DMD: variants seen among roughly 807,000 people sequenced by gnomAD.
The protein encoded by DMD is dystrophin, also known as mutant dystrophin.
DMD carries 63 observed loss-of-function variants against 330.1 expected under a neutral mutation model. That is an observed-to-expected ratio of 0.19 (90% CI 0.16 to 0.24). DMD has a LOEUF of 0.24. Among genes scored for constraint, DMD ranks in the 10% least tolerant of loss-of-function variants. The pLI, the probability that DMD is intolerant of heterozygous loss-of-function variation, is 1.00. For missense variants in DMD, 3,344 were observed against 2,684.1 expected (o/e 1.25, Z -5.43); for synonymous variants, 1,223 against 959.8 (o/e 1.27, Z -5.07).
intron 9 of DMD, among the ~76,000 whole-genome samples, chrX:32,651,538 C>A (rs150464330): frequency 1.6e-3 from 181 of 111,992 alleles, no homozygotes; most frequent in African/African-American, 5.8e-3. Context: ...AATACCTCGT[C>A]TTCATTACGT....
intron 1 of DMD, among the ~76,000 whole-genome samples, chrX:33,301,526 T>C (rs1441905305): frequency 8.9e-6 from 1 of 112,011 alleles, no homozygotes; most frequent in Admixed American, 9.5e-5. Flanking sequence ...AAGAAAATAT[T>C]TGTGTCTTAG....
At chrX:32,358,135 C>T (rs1431165066) in intron 37 of DMD, among the ~76,000 whole-genome samples, 1 of 111,095 alleles carries the variant, frequency 9.0e-6, no homozygotes, top group Non-Finnish European at 1.9e-5. Flanking sequence ...TCCCTTTTCT[C>T]AAGTCTTCAC....
At chrX:32,621,615 G>A (rs2057999732) in intron 11 of DMD, among the ~76,000 whole-genome samples, 3 of 109,829 alleles carry the variant, frequency 2.7e-5, no homozygotes, top group Admixed American at 2.0e-4. Context: ...GCGAGTCCCC[G>A]AACCCAGCCA....
intron 27 of DMD, among the ~76,000 whole-genome samples, chrX:32,442,333 C>A (rs1260462103): frequency 9.1e-6 from 1 of 110,210 alleles, no homozygotes; most frequent in Non-Finnish European, 1.9e-5. Flanking sequence ...AGATGAATAA[C>A]CCAATCGATA....
At chrX:31,612,764 TA>T (rs1259041773) in intron 55 of DMD, among the ~76,000 whole-genome samples, 2 of 112,180 alleles carry the variant, frequency 1.8e-5, no homozygotes, top group African/African-American at 6.5e-5. Flanking sequence ...AATAAAGAAG[TA>T]AGCATCTATG....
At chrX:32,099,616 A>T (rs976469925) in intron 44 of DMD, among the ~76,000 whole-genome samples, 1 of 108,685 alleles carries the variant, frequency 9.2e-6, no homozygotes, top group Admixed American at 9.9e-5. Context: ...ACTGGAATAC[A>T]TCATTCTCAG....
At chrX:32,067,106 A>T (rs2096264806) in intron 44 of DMD, among the ~76,000 whole-genome samples, 1 of 111,456 alleles carries the variant, frequency 9.0e-6, no homozygotes, top group Non-Finnish European at 1.9e-5. Flanking sequence ...TAGGTTAAAA[A>T]TTTTCAGACA....
chrX:31,427,425 T>C (rs886451898), intron 60 of DMD, among the ~76,000 whole-genome samples: 3 of 111,999 alleles, frequency 2.7e-5, no homozygotes, highest in African/African-American at 9.7e-5. Context: ...ATGTAGTTCA[T>C]GTATTAATCA....
chrX:31,798,868 A>C (rs1455590879), intron 50 of DMD, among the ~76,000 whole-genome samples: 9 of 112,028 alleles, frequency 8.0e-5, no homozygotes, highest in Non-Finnish European at 1.9e-5. Context: ...CTCATTATGA[A>C]GGTTTGGATG....
chrX:31,370,085 C>T (rs866588304), intron 60 of DMD, among the ~76,000 whole-genome samples: 6 of 76,827 alleles, frequency 7.8e-5, no homozygotes, highest in Non-Finnish European at 1.4e-4. Flanking sequence ...GGCGACAGAG[C>T]GAGGCTCCGT....
intron 59 of DMD, among the ~76,000 whole-genome samples, chrX:31,464,249 G>A (rs1388231643): frequency 8.9e-6 from 1 of 111,870 alleles, no homozygotes; most frequent in African/African-American, 3.2e-5. Context: ...AATATCCCAT[G>A]ACCAGAAGAG....
chrX:32,591,538 G>A (rs1451322142), intron 13 of DMD, among the ~76,000 whole-genome samples: 1 of 111,721 alleles, frequency 9.0e-6, no homozygotes, highest in East Asian at 2.8e-4. Context: ...ACGCTCTCTT[G>A]ATTTACCATT....
At chrX:32,896,018 G>A (rs760151520) in intron 2 of DMD, among the ~76,000 whole-genome samples, 5 of 111,413 alleles carry the variant, frequency 4.5e-5, no homozygotes, top group African/African-American at 1.3e-4. Flanking sequence ...GAATGATCAC[G>A]GCTGTAATGA....
chrX:31,201,234 C>T (rs1389760380), intron 67 of DMD, among the ~76,000 whole-genome samples: 3 of 109,977 alleles, frequency 2.7e-5, no homozygotes, highest in East Asian at 5.7e-4. Context: ...AAATGCCAGG[C>T]GTGGCGGTCC....
chrX:32,926,365 G>A lies in DMD; in HGVS notation c.94-76545C>T, dbSNP rs770366764. Reference sequence around the variant, plus strand: ...AATTTCATTTAGACAGGAGAAATAAGTTCGAGAGATCTATTGTACATGTTG... The same window carrying A: ...AATTTCATTTAGACAGGAGAAATAAATTCGAGAGATCTATTGTACATGTTG... On this transcript the variant is annotated intron_variant, in intron 2 of 78. Transcript: ENST00000357033. Among the ~76,000 whole-genome samples the A allele has an allele frequency of 8.5e-4, 95 of 112,067 alleles. 1 individual carries two copies. Among genetic ancestry groups the A allele is most frequent in the Middle Eastern group, 4.6e-3 (1 of 217 alleles).
chrX:31,992,457 C>T (rs1049272091), intron 44 of DMD, among the ~76,000 whole-genome samples: 2 of 111,497 alleles, frequency 1.8e-5, no homozygotes, highest in African/African-American at 6.5e-5. Context: ...GATGATGCTA[C>T]GTTTCTGAAG....
chrX:32,831,439 G>T (rs189515923), intron 4 of DMD, among the ~76,000 whole-genome samples: 1,671 of 110,679 alleles, frequency 0.015, 37 homozygotes, highest in African/African-American at 0.052. Flanking sequence ...TGTTATTTTT[G>T]ATTTGCTTTA....
chrX:31,123,155 C>G lies in DMD; in HGVS notation c.11047-1225G>C, dbSNP rs1340388895. ...ATTTATTTCAAGAGATATAGCTTCT[C>G]TACAAAATGAAGCGGATTCACGGGC... On this transcript the variant is annotated intron_variant, in intron 78 of 78. Coordinates refer to ENST00000357033, the MANE Select transcript of DMD (RefSeq NM_004006.3). Among the ~76,000 whole-genome samples the G allele has an allele frequency of 4.5e-5, 5 of 111,762 alleles. No individual in the cohort carries two copies. The East Asian group carries it at 1.4e-3, about 31-fold the overall frequency.
chrX:32,760,139 A>C (rs1465071643), intron 7 of DMD, among the ~76,000 whole-genome samples: 1 of 111,842 alleles, frequency 8.9e-6, no homozygotes, highest in African/African-American at 3.2e-5. Context: ...TTACTATTCC[A>C]CTGCTATGTA....
Sources: gnomAD v4.1 joint callset for allele counts (sites outside exome capture counted in the v4.1 genomes callset) on GRCh38, gnomAD v4.1.1 for gene constraint, MANE v1.5 for transcripts, NCBI Gene and HGNC (gene_info 2026-07-23, HGNC 2026-07-21) for gene names.